Variants in TTC34 observed in about 807,000 individuals in gnomAD.
The protein encoded by TTC34 is tetratricopeptide repeat domain 34, also known as tetratricopeptide repeat protein 34.
A neutral mutation model predicts 40.7 loss-of-function variants in TTC34; 44 were observed. That is an observed-to-expected ratio of 1.08 (90% CI 0.85 to 1.39). The LOEUF is 1.39. Among genes scored for constraint, TTC34 ranks in the 40% most tolerant of loss-of-function variants. The probability of loss-of-function intolerance (pLI) is 0.00; values close to 1 mark genes in which losing one functional copy is unlikely to be tolerated. For synonymous variants in TTC34, 422 were observed against 398.6 expected (o/e 1.06, Z -0.70); for missense variants, 884 against 838.0 (o/e 1.05, Z -0.68).
intron 4 of TTC34, among the ~76,000 whole-genome samples, 175 bp from the exon 5 acceptor site, chr1:2,786,198 CT>C (rs1046469888): frequency 6.6e-6 from 1 of 152,190 alleles, no homozygotes; most frequent in African/African-American, 2.4e-5. Flanking sequence ...TCCAACGCCC[CT>C]GGCAATTCCT....
intron 6 of TTC34, among the ~76,000 whole-genome samples, chr1:2,686,039 AC>A (rs1183392133): frequency 1.0e-5 from 1 of 96,222 alleles, no homozygotes; most frequent in African/African-American, 5.0e-5. Flanking sequence ...AGCACCCTGC[AC>A]CCCCAAGTGA....
intron 6 of TTC34, among the ~76,000 whole-genome samples, chr1:2,752,757 T>C (rs1227236619): frequency 1.7e-5 from 2 of 118,452 alleles, no homozygotes; most frequent in Non-Finnish European, 1.7e-5. Flanking sequence ...TCTGACAGCG[T>C]GGAACAGCAC....
At chr1:2,798,195 C>G (rs796660041) in intron 2 of TTC34, among the ~76,000 whole-genome samples, 3 of 80,192 alleles carry the variant, frequency 3.7e-5, no homozygotes, top group Admixed American at 1.4e-4. Context: ...CCCAGCCTCT[C>G]AGCCCCTCAG....
At chr1:2,773,062 A>C (rs1461980636) in intron 6 of TTC34, among the ~76,000 whole-genome samples, 1 of 151,148 alleles carries the variant, frequency 6.6e-6, no homozygotes, top group Admixed American at 6.6e-5. Flanking sequence ...GCACACCCCC[A>C]GGTGAGCCTC....
intron 6 of TTC34, among the ~76,000 whole-genome samples, chr1:2,764,462 C>A (rs1641737318): frequency 6.7e-6 from 1 of 150,074 alleles, no homozygotes; most frequent in South Asian, 2.1e-4. Flanking sequence ...GTGCCCACAG[C>A]CCCAGGTGAG....
chr1:2,752,480 C>G (rs1641354895), intron 6 of TTC34, among the ~76,000 whole-genome samples: 2 of 147,152 alleles, frequency 1.4e-5, no homozygotes, highest in African/African-American at 5.0e-5. Context: ...CAGCCTGGAA[C>G]AGCACCCACA....
At chr1:2,800,303 G>C (rs747339009) in exon 2 of TTC34, 180 of 398,556 alleles carry the variant, frequency 4.5e-4, no homozygotes, top group Middle Eastern at 6.2e-4. Flanking sequence ...GGGTGCGAAT[G>C]AAAGCTACCG....
Position 2,750,541 on chromosome 1 carries a change from G to A in TTC34, c.2226+33068C>T, listed in dbSNP as rs1641281619. On this transcript the variant is annotated intron_variant, in intron 6 of 8. Coordinates refer to ENST00000401095, the Ensembl canonical transcript of TTC34. Reference sequence around the variant, plus strand: ...CACCCACATCCCCAAGCGAGCATCCGACAGCCTGGGGCAGCACCCACACCC... The same window carrying A: ...CACCCACATCCCCAAGCGAGCATCCAACAGCCTGGGGCAGCACCCACACCC... 1.3e-5 allele frequency among the ~76,000 whole-genome samples: 2 copies of A among 150,638 alleles called. 1 individual carries two copies. The highest frequency in any genetic ancestry group is 4.9e-5 in the African/African-American group (2 of 40,990).
chr1:2,797,311 C>T (rs1012572065), intron 2 of TTC34, among the ~76,000 whole-genome samples: 1 of 152,092 alleles, frequency 6.6e-6, no homozygotes, highest in African/African-American at 2.4e-5. Flanking sequence ...GGGATGGGGG[C>T]TGGGGCACGA....
At chr1:2,683,250 G>T (rs568275004) in intron 6 of TTC34, among the ~76,000 whole-genome samples, 2 of 121,808 alleles carry the variant, frequency 1.6e-5, no homozygotes, top group Admixed American at 8.5e-5. Context: ...AGCATCTGAT[G>T]GTTTGCAGCA....
At chr1:2,641,643 T>A (rs1447194723) in exon 9 of TTC34, 2 of 1,535,028 alleles carry the variant, frequency 1.3e-6, no homozygotes. Flanking sequence ...TCCCCCAGGC[T>A]CAGCAGCAGG....
chr1:2,770,112 G>A (rs1455884335), intron 6 of TTC34, among the ~76,000 whole-genome samples: 1 of 4,336 alleles, frequency 2.3e-4, no homozygotes, highest in Non-Finnish European at 4.3e-4. Context: ...GAATTCTCAA[G>A]CCCCAGGTGA....
intron 6 of TTC34, among the ~76,000 whole-genome samples, chr1:2,779,153 C>G (rs1472389100): frequency 6.6e-6 from 1 of 152,204 alleles, no homozygotes; most frequent in Non-Finnish European, 1.5e-5. Context: ...TCATGTTTGG[C>G]TTATCCACCC....
At chr1:2,773,203 G>A (rs1642583444) in intron 6 of TTC34, among the ~76,000 whole-genome samples, 2 of 134,334 alleles carry the variant, frequency 1.5e-5, no homozygotes, top group Non-Finnish European at 3.3e-5. Context: ...TGACAGCCTG[G>A]AGCAGCGCCC....
At chr1:2,641,383 G>A in exon 9 of TTC34, 1 of 1,517,902 alleles carries the variant, frequency 6.6e-7, no homozygotes, top group African/African-American at 1.4e-5. Flanking sequence ...GTAGCCAGCA[G>A]CCTGAGGATG....
At position 2,752,339 on chromosome 1, in the gene TTC34, G is replaced by A. The variant is rs1213814509; in HGVS notation, c.2226+31270C>T. Among the ~76,000 whole-genome samples the A allele has an allele frequency of 1.6e-5, 2 of 128,758 alleles. 1 individual carries two copies. Among genetic ancestry groups the A allele is most frequent in the Non-Finnish European group, 3.2e-5 (2 of 62,340 alleles). 84.5% of individuals were successfully genotyped at this position (128,758 alleles called of 152,430 possible). On this transcript the variant is annotated intron_variant, in intron 6 of 8. Coordinates refer to ENST00000401095, the Ensembl canonical transcript of TTC34. ...TGGAACAGCACGCACACCCCCAGGT[G>A]AGCATCTGACCGCCTGGAACAGCAC...
In TTC34 at chr1:2,791,013, G is replaced by T. The variant is rs998660043; in HGVS notation, c.785-667C>A. 2.6e-5 allele frequency among the ~76,000 whole-genome samples: 4 copies of T among 152,302 alleles called. No homozygotes were observed. The East Asian group carries it at 7.7e-4, about 29-fold the overall frequency. Reference sequence around the variant, plus strand: ...GGGTTATAATGATCCACGCTCGCAGGGGGTGAGGATTAAACGGATCTACCT... The same window carrying T: ...GGGTTATAATGATCCACGCTCGCAGTGGGTGAGGATTAAACGGATCTACCT... On this transcript the variant is annotated intron_variant, in intron 2 of 8. Coordinates refer to ENST00000401095, the Ensembl canonical transcript of TTC34.
chr1:2,685,019 C>T lies in TTC34; in HGVS notation c.2227-39456G>A, dbSNP rs1319734992. Among the ~76,000 whole-genome samples, 2 of 145,154 alleles carry T rather than the reference C, an allele frequency of 1.4e-5. 1 individual carries two copies. Among genetic ancestry groups the T allele is most frequent in the Admixed American group, 1.4e-4 (2 of 14,688 alleles). On this transcript the variant is annotated intron_variant, in intron 6 of 8. Coordinates refer to ENST00000401095, the Ensembl canonical transcript of TTC34. Reference sequence around the variant, plus strand: ...ATACCCCCAGGCGAGCATCTGACAGCATGTAACAGCACCCACACCCACAGG... The same window carrying T: ...ATACCCCCAGGCGAGCATCTGACAGTATGTAACAGCACCCACACCCACAGG...
At chr1:2,759,525 A>C (rs1316954279) in intron 6 of TTC34, among the ~76,000 whole-genome samples, 4 of 16,242 alleles carry the variant, frequency 2.5e-4, no homozygotes, top group South Asian at 2.2e-3. Flanking sequence ...ACACCCCCAG[A>C]TGAGCATCTG....
Sources: gnomAD v4.1 joint callset for allele counts (sites outside exome capture counted in the v4.1 genomes callset) on GRCh38, gnomAD v4.1.1 for gene constraint, MANE v1.5 for transcripts, NCBI Gene and HGNC (gene_info 2026-07-23, HGNC 2026-07-21) for gene names.